The following EBF2 variants were observed in gnomAD, a reference collection of about 807,000 sequenced individuals.
EBF2 encodes the protein transcription factor COE2.
In EBF2, 21 loss-of-function variants were observed where a neutral mutation model predicts 72.8. The ratio of observed to expected loss-of-function variants is 0.29; its 90% confidence interval spans 0.20 to 0.42. The LOEUF (loss-of-function observed/expected upper bound fraction) is 0.42, where lower values mean the gene tolerates loss of function less well. Among genes scored for constraint, EBF2 ranks in the 10% least tolerant of loss-of-function variants. EBF2 has a pLI of 1.00. For synonymous variants in EBF2, 299 were observed against 274.2 expected, an observed-to-expected ratio of 1.09 and a Z score of -0.89; for missense variants, 637 against 731.2, an observed-to-expected ratio of 0.87 and a Z score of 1.49.
chr8:25,938,755 C>T (rs28625127), intron 6 of EBF2, among the ~76,000 whole-genome samples: 3,118 of 152,226 alleles, frequency 0.02, 115 homozygotes, highest in African/African-American at 0.07. Flanking sequence ...AGTCTTGGCT[C>T]TGCTGAATGG....
At chr8:26,040,489 G>T in intron 4 of EBF2, 127 bp downstream of exon 4, 1 of 815,814 alleles carries the variant, frequency 1.2e-6, no homozygotes, top group Non-Finnish European at 1.9e-6. Context: ...CTGGGAGGGG[G>T]ACGTGGAGGG....
intron 6 of EBF2, among the ~76,000 whole-genome samples, chr8:25,971,886 G>C (rs931629451): frequency 1.3e-5 from 2 of 152,178 alleles, no homozygotes; most frequent in East Asian, 1.9e-4. Context: ...TCTACAGCTC[G>C]AGCGGCCCCT....
At chr8:26,000,963 C>G (rs572081791) in intron 6 of EBF2, among the ~76,000 whole-genome samples, 49 of 152,160 alleles carry the variant, frequency 3.2e-4, no homozygotes, top group African/African-American at 1.1e-3. Flanking sequence ...TGGAGGTTGG[C>G]GCAAAAATCA....
intron 15 of EBF2, among the ~76,000 whole-genome samples, chr8:25,845,275 C>T (rs980001766): frequency 6.6e-6 from 1 of 152,132 alleles, no homozygotes; most frequent in African/African-American, 2.4e-5. Flanking sequence ...GTTCTGTCAC[C>T]CAGGCTGGAG....
intron 6 of EBF2, among the ~76,000 whole-genome samples, chr8:26,029,005 T>C (rs1345785634): frequency 6.6e-6 from 1 of 152,100 alleles, no homozygotes; most frequent in African/African-American, 2.4e-5. Flanking sequence ...AAAATGAAAA[T>C]AGAAAATAAA....
intron 10 of EBF2, among the ~76,000 whole-genome samples, chr8:25,879,543 G>T (rs1802571976): frequency 6.6e-6 from 1 of 152,014 alleles, no homozygotes. Context: ...CCATGTCCAG[G>T]GGTGTCTTTG....
chr8:25,930,528 T>C (rs1166175506), intron 6 of EBF2, among the ~76,000 whole-genome samples: 1 of 151,748 alleles, frequency 6.6e-6, no homozygotes, highest in African/African-American at 2.4e-5. Context: ...ATCGACTGAT[T>C]AATTAACTCC....
chr8:25,915,130 A>C (rs1439166888), intron 6 of EBF2, among the ~76,000 whole-genome samples: 1 of 152,176 alleles, frequency 6.6e-6, no homozygotes, highest in African/African-American at 2.4e-5. Flanking sequence ...GAAAATTAAC[A>C]TCTCCACCTT....
At chr8:26,021,473 T>A (rs1805201990) in intron 6 of EBF2, among the ~76,000 whole-genome samples, 1 of 152,148 alleles carries the variant, frequency 6.6e-6, no homozygotes, top group South Asian at 2.1e-4. Flanking sequence ...CTCTTCCCCC[T>A]CCACAGGCTG....
intron 14 of EBF2, among the ~76,000 whole-genome samples, chr8:25,856,550 G>T (rs976338373): frequency 1.1e-4 from 16 of 152,128 alleles, no homozygotes; most frequent in Non-Finnish European, 2.4e-4. Context: ...GCTCTGACTG[G>T]ACTCTAGATG....
intron 6 of EBF2, among the ~76,000 whole-genome samples, chr8:25,909,693 C>T (rs1471678533): frequency 1.3e-5 from 2 of 152,094 alleles, no homozygotes; most frequent in South Asian, 4.1e-4. Context: ...TTTTGTTTAA[C>T]AATCACACAA....
At chr8:25,890,793 CA>C (rs1802765096) in intron 7 of EBF2, among the ~76,000 whole-genome samples, 1 of 152,210 alleles carries the variant, frequency 6.6e-6, no homozygotes, top group African/African-American at 2.4e-5. Flanking sequence ...TAGGGATGCT[CA>C]ACCAGTAAGT....
chr8:25,948,480 A>G (rs1803807531), intron 6 of EBF2, among the ~76,000 whole-genome samples: 1 of 152,138 alleles, frequency 6.6e-6, no homozygotes, highest in African/African-American at 2.4e-5. Flanking sequence ...GTCCCACTCT[A>G]ATTATACCCT....
At chr8:25,994,638 C>CAA (rs1481940482) in intron 6 of EBF2, among the ~76,000 whole-genome samples, 2 of 152,168 alleles carry the variant, frequency 1.3e-5, no homozygotes, top group Admixed American at 6.5e-5. Context: ...TCTTTTGCAA[C>CAA]AATGTGGATA....
At chr8:25,921,267 T>C (rs1803302165) in intron 6 of EBF2, among the ~76,000 whole-genome samples, 1 of 152,238 alleles carries the variant, frequency 6.6e-6, no homozygotes, top group South Asian at 2.1e-4. Context: ...GATTTTCTTA[T>C]ATTACTCATA....
chr8:25,994,227 C>T (rs113305447), intron 6 of EBF2, among the ~76,000 whole-genome samples: 34 of 151,810 alleles, frequency 2.2e-4, no homozygotes, highest in African/African-American at 3.4e-4. Context: ...AGAAGATACA[C>T]GAAAACTTGA....
intron 6 of EBF2, among the ~76,000 whole-genome samples, chr8:25,975,681 A>G (rs1485503697): frequency 6.6e-6 from 1 of 152,072 alleles, no homozygotes; most frequent in Admixed American, 6.5e-5. Context: ...GCCTAACCCA[A>G]ACCTGCAGGA....
At chr8:26,020,299 C>G (rs956123941) in intron 6 of EBF2, among the ~76,000 whole-genome samples, 1 of 152,198 alleles carries the variant, frequency 6.6e-6, no homozygotes, top group Admixed American at 6.5e-5. Flanking sequence ...CAGCAGACTT[C>G]CAGTGTTTGG....
intron 6 of EBF2, among the ~76,000 whole-genome samples, chr8:25,913,225 G>A (rs142091043): frequency 3.9e-5 from 6 of 152,010 alleles, no homozygotes; most frequent in South Asian, 2.1e-4. Flanking sequence ...GGAGTATCAC[G>A]AGATCAAGAG....
Sources: gnomAD v4.1 joint callset for allele counts (sites outside exome capture counted in the v4.1 genomes callset) on GRCh38, gnomAD v4.1.1 for gene constraint, MANE v1.5 for transcripts, NCBI Gene and HGNC (gene_info 2026-07-23, HGNC 2026-07-21) for gene names.